Variants in KCNIP4 observed in about 807,000 individuals in gnomAD.
KCNIP4 encodes Kv channel-interacting protein 4.
A neutral mutation model predicts 34.0 loss-of-function variants in KCNIP4; 12 were observed. That is an observed-to-expected ratio of 0.35 (90% CI 0.23 to 0.57). KCNIP4 has a LOEUF of 0.57. KCNIP4 is among the 20% of genes least tolerant of loss of function. KCNIP4 has a pLI of 0.83. For missense variants in KCNIP4, 238 were observed against 311.7 expected, an observed-to-expected ratio of 0.76 and a Z score of 1.78; for synonymous variants, 124 against 102.2, an observed-to-expected ratio of 1.21 and a Z score of -1.29.
In KCNIP4 at chr4:21,562,786, A is replaced by G. The variant is rs1739569077; in HGVS notation, c.61+385785T>C. 2.0e-5 allele frequency among the ~76,000 whole-genome samples: 3 copies of G among 152,064 alleles called. No individual in the cohort carries two copies. In the South Asian group the frequency reaches 6.2e-4, roughly 31 times the overall value. On this transcript the variant is annotated intron_variant, in intron 1 of 8. Coordinates refer to ENST00000382152, the MANE Select transcript of KCNIP4 (RefSeq NM_025221.6). ...CGCAGGGATTTAAAATTGAGTTATC[A>G]AATTCCAGATTTTAAACTAAATATG...
rs138344733 is a variant in KCNIP4, at chr4:21,948,547, G to T, written c.61+24C>A. ...GGAAGGAGGGCGGAAGCGGGCGCCCGCTCGCAAGCTTATTGCATCCTACCG... is the reference window on the plus strand; with the variant it reads ...GGAAGGAGGGCGGAAGCGGGCGCCCTCTCGCAAGCTTATTGCATCCTACCG... On this transcript the variant is annotated intron_variant, in intron 1 of 8. Coordinates refer to ENST00000382152, the MANE Select transcript of KCNIP4 (RefSeq NM_025221.6). The T allele has an allele frequency of 1.1e-3, 1,690 of 1,607,302 alleles. 1 individual carries two copies. Among genetic ancestry groups the T allele is most frequent in the Non-Finnish European group, 1.3e-3 (1,535 of 1,176,868 alleles).
chr4:21,283,783 T>C (rs1052567279), intron 1 of KCNIP4, among the ~76,000 whole-genome samples: 2 of 151,426 alleles, frequency 1.3e-5, no homozygotes, highest in Non-Finnish European at 2.9e-5. Flanking sequence ...ACATGTACCC[T>C]AAAGCTTAAA....
chr4:21,081,772 C>T (rs1746025410), intron 1 of KCNIP4, among the ~76,000 whole-genome samples: 1 of 151,642 alleles, frequency 6.6e-6, no homozygotes, highest in African/African-American at 2.4e-5. Context: ...CTGATAAGAG[C>T]AATGAATTCT....
At chr4:21,615,565 C>CA (rs11443447) in intron 1 of KCNIP4, among the ~76,000 whole-genome samples, 55,077 of 145,476 alleles carry the variant, frequency 0.38, 10,529 homozygotes, top group East Asian at 0.63. Flanking sequence ...AAAAACAAAA[C>CA]AAAAAAAAAC....
At chr4:21,236,727 A>C (rs2109037134) in intron 1 of KCNIP4, among the ~76,000 whole-genome samples, 1 of 151,934 alleles carries the variant, frequency 6.6e-6, no homozygotes, top group Non-Finnish European at 1.5e-5. Flanking sequence ...ATATACATTC[A>C]GGCCGGGCGC....
intron 1 of KCNIP4, among the ~76,000 whole-genome samples, chr4:21,815,011 G>T (rs1241326331): frequency 6.6e-6 from 1 of 152,176 alleles, no homozygotes; most frequent in Non-Finnish European, 1.5e-5. Flanking sequence ...ATTGCTGGGA[G>T]TCAGACAATG....
chr4:20,964,580 C>G (rs912123256), intron 1 of KCNIP4, among the ~76,000 whole-genome samples: 6 of 152,206 alleles, frequency 3.9e-5, no homozygotes, highest in African/African-American at 1.4e-4. Context: ...GATGATTTCC[C>G]CAGCTACTCA....
At chr4:21,758,009 T>C (rs992191974) in intron 1 of KCNIP4, among the ~76,000 whole-genome samples, 3 of 152,162 alleles carry the variant, frequency 2.0e-5, no homozygotes, top group Non-Finnish European at 2.9e-5. Context: ...AAAATGGGTA[T>C]GACAATAAGA....
chr4:20,761,508 T>C (rs987796853), intron 3 of KCNIP4, among the ~76,000 whole-genome samples: 4 of 152,196 alleles, frequency 2.6e-5, no homozygotes, highest in South Asian at 2.1e-4. Context: ...ATTTATTGGC[T>C]ATTTAATGCT....
intron 1 of KCNIP4, among the ~76,000 whole-genome samples, chr4:21,375,995 T>C (rs1469742595): frequency 6.6e-6 from 1 of 152,184 alleles, no homozygotes; most frequent in Non-Finnish European, 1.5e-5. Context: ...GGAATCAAGG[T>C]GGATAGAGAG....
At chr4:20,910,277 G>T (rs915341507) in intron 1 of KCNIP4, among the ~76,000 whole-genome samples, 3 of 151,276 alleles carry the variant, frequency 2.0e-5, no homozygotes, top group African/African-American at 7.3e-5. Context: ...TTATTTGTGT[G>T]TCTGTATGTG....
At chr4:21,829,883 T>C (rs1578042340) in intron 1 of KCNIP4, among the ~76,000 whole-genome samples, 1 of 151,576 alleles carries the variant, frequency 6.6e-6, no homozygotes, top group African/African-American at 2.4e-5. Flanking sequence ...AGCATACCAA[T>C]AAAAATTAAC....
chr4:20,900,944 TTC>T (rs1319204303), intron 1 of KCNIP4, among the ~76,000 whole-genome samples: 1 of 152,230 alleles, frequency 6.6e-6, no homozygotes, highest in Non-Finnish European at 1.5e-5. Context: ...ATCCTATCTA[TTC>T]TCTGATTGAG....
At chr4:21,528,685 A>C (rs530183963) in intron 1 of KCNIP4, among the ~76,000 whole-genome samples, 1 of 2,176 alleles carries the variant, frequency 4.6e-4, no homozygotes, top group Non-Finnish European at 7.7e-4. Context: ...CAAAGAAAGA[A>C]AGAAAGAAAG....
intron 1 of KCNIP4, among the ~76,000 whole-genome samples, chr4:21,359,247 TCTC>T (rs1280403471): frequency 6.6e-6 from 1 of 152,066 alleles, no homozygotes; most frequent in African/African-American, 2.4e-5. Context: ...GGAAATTTCT[TCTC>T]ATCTTCTCCT....
At chr4:21,610,478 T>C (rs1006061475) in intron 1 of KCNIP4, among the ~76,000 whole-genome samples, 1 of 152,190 alleles carries the variant, frequency 6.6e-6, no homozygotes, top group Admixed American at 6.5e-5. Flanking sequence ...ATTAAACAAA[T>C]ATAGTTTCAT....
chr4:21,082,072 A>C (rs1746053107), intron 1 of KCNIP4, among the ~76,000 whole-genome samples: 1 of 151,912 alleles, frequency 6.6e-6, no homozygotes, highest in African/African-American at 2.4e-5. Flanking sequence ...GTGGATATGA[A>C]TTGATCCTGC....
At chr4:21,728,394 G>A (rs117690347) in intron 1 of KCNIP4, among the ~76,000 whole-genome samples, 1 of 152,204 alleles carries the variant, frequency 6.6e-6, no homozygotes, top group East Asian at 1.9e-4. Context: ...CATAATTGAA[G>A]TACTTCCCAC....
At position 20,753,003 on chromosome 4, in the gene KCNIP4, TTTACATAACAAAAATAG is replaced by T. The variant is rs543010467; in HGVS notation, c.359-3288_359-3272del. The T allele has an allele frequency of 2.9e-3, 436 of 152,320 alleles. 1 individual carries two copies. Among genetic ancestry groups the T allele is most frequent in the African/African-American group, 0.01 (421 of 41,572 alleles). 9.4% of individuals were successfully genotyped at this position (152,320 alleles called of 1,614,324 possible). A position where few individuals can be genotyped will look rare whatever the true frequency, so the allele number is the denominator to read the frequency against. On this transcript the variant is annotated intron_variant, in intron 4 of 8. Transcript: ENST00000382152. ...TATGACCTCTTCGTGATCACATTCC[TTTACATAACAAAAATAG>T]TTACTGAGTTTGTTAAGCTGGGATT...
Sources: gnomAD v4.1 joint callset for allele counts (sites outside exome capture counted in the v4.1 genomes callset) on GRCh38, gnomAD v4.1.1 for gene constraint, MANE v1.5 for transcripts, NCBI Gene and HGNC (gene_info 2026-07-23, HGNC 2026-07-21) for gene names.